WASL: variants seen among roughly 807,000 people sequenced by gnomAD.
WASL encodes the protein actin nucleation-promoting factor WASL.
WASL carries 20 observed loss-of-function variants against 55.5 expected under a neutral mutation model. The observed-to-expected ratio is 0.36, with a 90% CI of 0.25 to 0.52. WASL has a LOEUF of 0.52. WASL is among the 20% of genes least tolerant of loss of function. The pLI, the probability that WASL is intolerant of heterozygous loss-of-function variation, is 0.92. For synonymous variants in WASL, 249 were observed against 217.6 expected (o/e 1.14, Z -1.27); for missense variants, 504 against 622.5 (o/e 0.81, Z 2.03).
At chr7:123,739,980 G>T (rs1203243810) in intron 1 of WASL, among the ~76,000 whole-genome samples, 1 of 150,184 alleles carries the variant, frequency 6.7e-6, no homozygotes, top group Admixed American at 6.7e-5. Context: ...GTCTTCTTCA[G>T]CTATACAGTG....
chr7:123,710,530 T>C (rs1429227642), intron 1 of WASL, among the ~76,000 whole-genome samples: 2 of 152,148 alleles, frequency 1.3e-5, no homozygotes, highest in Non-Finnish European at 2.9e-5. Flanking sequence ...AAATCTTTTA[T>C]AATTAGATAC....
At chr7:123,700,355 TTATAA>T (rs1430469988) in intron 5 of WASL, among the ~76,000 whole-genome samples, 1 of 152,028 alleles carries the variant, frequency 6.6e-6, no homozygotes, top group Non-Finnish European at 1.5e-5. Flanking sequence ...CAGGTGATCT[TTATAA>T]AGTCATATGA....
At chr7:123,722,674 G>C (rs1250041995) in intron 1 of WASL, among the ~76,000 whole-genome samples, 1 of 152,050 alleles carries the variant, frequency 6.6e-6, no homozygotes, top group Admixed American at 6.6e-5. Flanking sequence ...ACAAAAATCA[G>C]CCAGGCGTGG....
intron 5 of WASL, among the ~76,000 whole-genome samples, chr7:123,697,722 A>AT (rs1482919489): frequency 1.3e-5 from 2 of 152,216 alleles, no homozygotes; most frequent in Non-Finnish European, 2.9e-5. Flanking sequence ...CTTAGAAAGG[A>AT]CCACTTGCAA....
chr7:123,723,381 A>C (rs1803985884), intron 1 of WASL, among the ~76,000 whole-genome samples: 1 of 152,204 alleles, frequency 6.6e-6, no homozygotes, highest in Non-Finnish European at 1.5e-5. Flanking sequence ...CTCAGATTGG[A>C]GCTGTAACTA....
At chr7:123,737,821 GAT>G (rs1265365977) in intron 1 of WASL, among the ~76,000 whole-genome samples, 1 of 152,106 alleles carries the variant, frequency 6.6e-6, no homozygotes, top group East Asian at 1.9e-4. Context: ...TAGGGAACTT[GAT>G]ATGATAATAG....
chr7:123,747,403 C>G (rs1804451007), intron 1 of WASL, among the ~76,000 whole-genome samples: 1 of 152,146 alleles, frequency 6.6e-6, no homozygotes, highest in Non-Finnish European at 1.5e-5. Context: ...TGAAACACAT[C>G]TGAAATTGAA....
intron 1 of WASL, among the ~76,000 whole-genome samples, chr7:123,737,273 T>A (rs1804249882): frequency 6.6e-6 from 1 of 152,186 alleles, no homozygotes; most frequent in Admixed American, 6.5e-5. Flanking sequence ...AAGCTTGGTC[T>A]ACGTACTCCT....
At chr7:123,713,887 A>G (rs1394178771) in intron 1 of WASL, among the ~76,000 whole-genome samples, 1 of 152,226 alleles carries the variant, frequency 6.6e-6, no homozygotes, top group African/African-American at 2.4e-5. Flanking sequence ...AGTTATTAGC[A>G]GGATGAGATA....
intron 1 of WASL, among the ~76,000 whole-genome samples, chr7:123,734,943 G>C (rs1431162237): frequency 6.6e-6 from 1 of 152,036 alleles, no homozygotes; most frequent in African/African-American, 2.4e-5. Context: ...CAATTTTCCT[G>C]TAAATGTAAA....
chr7:123,731,130 C>G (rs1227522991), intron 1 of WASL, among the ~76,000 whole-genome samples: 3 of 152,016 alleles, frequency 2.0e-5, no homozygotes, highest in Non-Finnish European at 2.9e-5. Flanking sequence ...TAATTTCAGG[C>G]AAAGTATGCT....
At chr7:123,706,629 T>A (rs1227554682) in intron 3 of WASL, 111 bp downstream of exon 3, 9 of 938,896 alleles carry the variant, frequency 9.6e-6, no homozygotes, top group Non-Finnish European at 1.3e-5. Context: ...AGCAAAAAAA[T>A]AAAATAGCAA....
intron 9 of WASL, among the ~76,000 whole-genome samples, chr7:123,692,039 G>A (rs546301035): frequency 6.6e-6 from 1 of 152,204 alleles, no homozygotes; most frequent in African/African-American, 2.4e-5. Flanking sequence ...CTAATCTATG[G>A]TGATTAGATC....
At chr7:123,726,274 G>A (rs1164666585) in intron 1 of WASL, among the ~76,000 whole-genome samples, 5 of 152,118 alleles carry the variant, frequency 3.3e-5, no homozygotes, top group Non-Finnish European at 5.9e-5. Flanking sequence ...TTTACCAAAT[G>A]GTGCTGTATC....
intron 1 of WASL, 74 bp downstream of exon 1, chr7:123,748,544 T>A: frequency 6.5e-7 from 1 of 1,528,702 alleles, no homozygotes. Flanking sequence ...CCTTCCCCAC[T>A]CCCACTTCCC....
intron 1 of WASL, among the ~76,000 whole-genome samples, chr7:123,735,768 A>G (rs923662124): frequency 2.0e-5 from 3 of 152,058 alleles, no homozygotes; most frequent in Non-Finnish European, 4.4e-5. Flanking sequence ...AAGGAGGAGG[A>G]GGAAGACGAG....
chr7:123,716,754 TGA>T (rs1054877224), intron 1 of WASL, among the ~76,000 whole-genome samples: 15 of 152,246 alleles, frequency 9.9e-5, no homozygotes, highest in African/African-American at 3.4e-4. Flanking sequence ...CAGTTTGGGA[TGA>T]GAGGGTGAAA....
At chr7:123,733,762 G>A (rs1180025449) in intron 1 of WASL, among the ~76,000 whole-genome samples, 1 of 152,064 alleles carries the variant, frequency 6.6e-6, no homozygotes, top group Non-Finnish European at 1.5e-5. Flanking sequence ...CTTGTTGAGA[G>A]CAAACACAAA....
chr7:123,743,640 A>C (rs1305972073), intron 1 of WASL, among the ~76,000 whole-genome samples: 1 of 152,218 alleles, frequency 6.6e-6, no homozygotes, highest in Non-Finnish European at 1.5e-5. Flanking sequence ...CAGGAAATCT[A>C]AACTGAGCAC....
Sources: allele counts gnomAD v4.1 joint callset (sites outside exome capture counted in the v4.1 genomes callset), GRCh38; gene constraint gnomAD v4.1.1; transcripts MANE v1.5; gene names NCBI Gene and HGNC (gene_info 2026-07-23, HGNC 2026-07-21).